IL26: variants seen among roughly 807,000 people sequenced by gnomAD.
The protein encoded by IL26 is interleukin-26.
Under a neutral mutation model 21.7 loss-of-function variants are expected in IL26, and 23 were observed. That is an observed-to-expected ratio of 1.06 (90% CI 0.76 to 1.50). The LOEUF is 1.50. IL26 is among the 40% of genes most tolerant of loss of function. The pLI is 0.00. For synonymous variants in IL26, 63 were observed against 67.8 expected, an observed-to-expected ratio of 0.93 and a Z score of 0.34; for missense variants, 204 against 196.0, an observed-to-expected ratio of 1.04 and a Z score of -0.24.
At chr12:68,225,337 T>G in intron 2 of IL26, 54 bp from the exon 3 acceptor site, 2 of 1,565,838 alleles carry the variant, frequency 1.3e-6, no homozygotes, top group South Asian at 2.3e-5. Flanking sequence ...CGTTTTTTAA[T>G]GTCCCCCGAT....
rs754879824 is a variant in IL26, at chr12:68,225,579, T to C, written c.171+7A>G. On this transcript the variant is annotated splice_region_variant and intron_variant, in intron 1 of 4. Transcript: ENST00000229134. Reference sequence around the variant, plus strand: ...GGTCATGATTTTAAGCAGAGCCTAATACTTACTGGAATCGTTGCTTTGAGC... The same window carrying C: ...GGTCATGATTTTAAGCAGAGCCTAACACTTACTGGAATCGTTGCTTTGAGC... The C allele has an allele frequency of 7.4e-6, 12 of 1,613,802 alleles. No individual in the cohort carries two copies. In the East Asian group the frequency reaches 1.6e-4, roughly 21 times the overall value.
At position 68,202,004 on chromosome 12, in the gene IL26, T is replaced by G; in HGVS notation, c.429+14A>C. ...AAAACAAAGTTTTTTAATATAAGGA[T>G]TTAGAATTCTTACCCTATAAAATAT... is the stretch of plus-strand genomic sequence containing the variant. On this transcript the variant is annotated intron_variant, in intron 4 of 4. Transcript: ENST00000229134. 1.3e-6 allele frequency: 2 copies of G among 1,553,252 alleles called. No individual in the cohort carries two copies. The highest frequency in any genetic ancestry group is 1.8e-6 in the Non-Finnish European group (2 of 1,141,838).
intron 3 of IL26, among the ~76,000 whole-genome samples, chr12:68,202,602 C>T (rs1868419327): frequency 1.3e-5 from 2 of 152,140 alleles, no homozygotes; most frequent in Non-Finnish European, 2.9e-5. Flanking sequence ...AAGTGCCATA[C>T]TTTTAAACCA....
At chr12:68,202,529 G>T (rs11571064) in intron 3 of IL26, among the ~76,000 whole-genome samples, 2 of 152,132 alleles carry the variant, frequency 1.3e-5, no homozygotes, top group African/African-American at 2.4e-5. Context: ...TTACAATCAC[G>T]GCAGAAGGTG....
chr12:68,206,353 A>C (rs1232233078), intron 3 of IL26, among the ~76,000 whole-genome samples: 1 of 152,108 alleles, frequency 6.6e-6, no homozygotes, highest in African/African-American at 2.4e-5. Flanking sequence ...GCTGAATTAG[A>C]GATGTTGTAT....
At chr12:68,202,503 A>G (rs11570959) in intron 3 of IL26, among the ~76,000 whole-genome samples, 8,735 of 152,260 alleles carry the variant, frequency 0.057, 257 homozygotes, top group Middle Eastern at 0.095. Flanking sequence ...GCATGGCTAG[A>G]GAGGCCTCAG....
rs1000437279 is a variant in IL26, at chr12:68,201,447, T to G, written c.*398A>C. The G allele has an allele frequency of 1.2e-5, 2 of 162,232 alleles. No individual in the cohort carries two copies. Among genetic ancestry groups the G allele is most frequent in the African/African-American group, 4.8e-5 (2 of 41,578 alleles). 10.0% of individuals were successfully genotyped at this position (162,232 alleles called of 1,614,324 possible). On this transcript the variant is annotated 3_prime_UTR_variant, in exon 5 of 5. Coordinates refer to ENST00000229134, the MANE Select transcript of IL26 (RefSeq NM_018402.2). ...AATTTTCAAACACTTAAACAGACAA[T>G]CATATACATAACATCTATTTAAGTC...
At chr12:68,203,661 T>C (rs1479764726) in intron 3 of IL26, among the ~76,000 whole-genome samples, 2 of 152,170 alleles carry the variant, frequency 1.3e-5, no homozygotes, top group African/African-American at 4.8e-5. Flanking sequence ...GGCTAAATGA[T>C]AACATCTATC....
At chr12:68,222,881 G>A (rs1861491) in intron 3 of IL26, among the ~76,000 whole-genome samples, 70,088 of 151,940 alleles carry the variant, frequency 0.46, 17,117 homozygotes, top group East Asian at 0.61. Flanking sequence ...TTTAGTGTCC[G>A]TTTTTATTAA....
At chr12:68,220,216 A>G (rs1360144373) in intron 3 of IL26, among the ~76,000 whole-genome samples, 1 of 152,174 alleles carries the variant, frequency 6.6e-6, no homozygotes, top group Non-Finnish European at 1.5e-5. Flanking sequence ...TGAGGCCAGG[A>G]TTATGCTAGT....
chr12:68,215,257 C>A (rs1868843540), intron 3 of IL26, among the ~76,000 whole-genome samples: 1 of 152,292 alleles, frequency 6.6e-6, no homozygotes, highest in East Asian at 1.9e-4. Flanking sequence ...TTGTCCACCT[C>A]AATCCCACGT....
At chr12:68,213,960 G>A (rs1305022298) in intron 3 of IL26, among the ~76,000 whole-genome samples, 1 of 151,892 alleles carries the variant, frequency 6.6e-6, no homozygotes, top group Non-Finnish European at 1.5e-5. Flanking sequence ...TTTATTTGAA[G>A]TCTTTCTACT....
At chr12:68,224,024 T>C (rs1869146510) in intron 3 of IL26, among the ~76,000 whole-genome samples, 1 of 124,926 alleles carries the variant, frequency 8.0e-6, no homozygotes, top group Admixed American at 9.1e-5. Context: ...ACATCTTAAC[T>C]CTTAAAAAAT....
At chr12:68,213,537 C>T (rs1868792220) in intron 3 of IL26, among the ~76,000 whole-genome samples, 1 of 152,026 alleles carries the variant, frequency 6.6e-6, no homozygotes, top group Non-Finnish European at 1.5e-5. Context: ...TTTGTTACAG[C>T]TTCAATCTTG....
At chr12:68,222,224 C>T (rs908299716) in intron 3 of IL26, among the ~76,000 whole-genome samples, 6 of 152,130 alleles carry the variant, frequency 3.9e-5, no homozygotes, top group Admixed American at 3.9e-4. Flanking sequence ...TATTAAGATA[C>T]AAAATACATA....
chr12:68,221,724 C>T (rs7299807), intron 3 of IL26, among the ~76,000 whole-genome samples: 7,400 of 152,214 alleles, frequency 0.049, 620 homozygotes, highest in African/African-American at 0.17. Context: ...CGGGTTATAC[C>T]AGAGTTCATC....
At chr12:68,215,761 G>T (rs1868858146) in intron 3 of IL26, among the ~76,000 whole-genome samples, 1 of 152,100 alleles carries the variant, frequency 6.6e-6, no homozygotes, top group African/African-American at 2.4e-5. Context: ...TCAGCCTCCT[G>T]GGTTCAAGTA....
intron 3 of IL26, among the ~76,000 whole-genome samples, chr12:68,214,934 C>T (rs1409703487): frequency 6.7e-6 from 1 of 148,222 alleles, no homozygotes; most frequent in African/African-American, 2.5e-5. Context: ...CTCTTCCTTT[C>T]TACTGTCTTC....
chr12:68,221,992 A>G (rs755552235), intron 3 of IL26, among the ~76,000 whole-genome samples: 2 of 152,248 alleles, frequency 1.3e-5, no homozygotes, highest in African/African-American at 2.4e-5. Context: ...AACCAGAGTC[A>G]TACCCTATTT....
Sources: allele counts gnomAD v4.1 joint callset (sites outside exome capture counted in the v4.1 genomes callset), GRCh38; gene constraint gnomAD v4.1.1; transcripts MANE v1.5; gene names NCBI Gene and HGNC (gene_info 2026-07-23, HGNC 2026-07-21).